IL13RA1: variants seen among roughly 807,000 people sequenced by gnomAD.
The protein encoded by IL13RA1 is interleukin 13 receptor subunit alpha 1.
IL13RA1 carries 14 observed loss-of-function variants against 33.8 expected under a neutral mutation model. The ratio of observed to expected loss-of-function variants is 0.41; its 90% CI spans 0.27 to 0.65. The LOEUF (loss-of-function observed/expected upper bound fraction) is 0.65, where lower values mean the gene tolerates loss of function less well. Ranked by LOEUF, IL13RA1 falls within the 30% of genes least tolerant of loss-of-function variation. The probability of loss-of-function intolerance (pLI) is 0.28; values close to 1 mark genes in which losing one functional copy is unlikely to be tolerated. For synonymous variants in IL13RA1, 116 were observed against 115.7 expected, an observed-to-expected ratio of 1.00 and a Z score of -0.02; for missense variants, 313 against 327.0, an observed-to-expected ratio of 0.96 and a Z score of 0.33.
In IL13RA1 at chrX:118,741,648, G is replaced by A. The variant is rs773432389; in HGVS notation, c.228+492G>A. Among the ~76,000 whole-genome samples the A allele has an allele frequency of 6.8e-4, 76 of 111,852 alleles. 1 individual carries two copies. Among genetic ancestry groups the A allele is most frequent in the South Asian group, 1.8e-3 (5 of 2,745 alleles). On this transcript the variant is annotated intron_variant, in intron 2 of 10. Transcript: ENST00000371666. ...TTGAGTAGAGGGTTCTGTAATGCCCGCGGAAAAAGGAGGAAGACTTTCAAG... is the reference window on the plus strand; with the variant it reads ...TTGAGTAGAGGGTTCTGTAATGCCCACGGAAAAAGGAGGAAGACTTTCAAG...
At chrX:118,771,060 T>C (rs1356018074) in intron 8 of IL13RA1, among the ~76,000 whole-genome samples, 1 of 111,985 alleles carries the variant, frequency 8.9e-6, no homozygotes, top group Middle Eastern at 4.2e-3. Flanking sequence ...GAGGGTTGAC[T>C]GCAGAGTGAA....
chrX:118,797,246 G>A (rs770856729), downstream of IL13RA1, among the ~76,000 whole-genome samples: 5 of 112,167 alleles, frequency 4.5e-5, no homozygotes, highest in East Asian at 5.6e-4. Context: ...TCCAATAAAG[G>A]TTAAGATGAT....
At position 118,738,944 on chromosome X, in the gene IL13RA1, T is replaced by G. The variant is rs780326222; in HGVS notation, c.89-2073T>G. Among the ~76,000 whole-genome samples, 53 of 109,852 alleles carry G rather than the reference T, an allele frequency of 4.8e-4. 1 individual carries two copies. The highest frequency in any genetic ancestry group is 1.8e-3 in the African/African-American group (53 of 30,185). The stretch of plus-strand genomic sequence containing the variant: ...CTGGTATTACAGTTGTACACCACCA[T>G]GCCTGGCTAATTTTTGTATTTTTAG... On this transcript the variant is annotated intron_variant, in intron 1 of 10. Coordinates refer to ENST00000371666, the MANE Select transcript of IL13RA1 (RefSeq NM_001560.3).
chrX:118,773,824 T>C (rs2147392453), intron 8 of IL13RA1, 55 bp from the exon 9 acceptor site: 1 of 619,480 alleles, frequency 1.6e-6, no homozygotes. Context: ...CTGCTTGGTT[T>C]ATTACTAAAA....
chrX:118,737,009 G>T (rs976062608), intron 1 of IL13RA1, among the ~76,000 whole-genome samples: 1 of 112,684 alleles, frequency 8.9e-6, no homozygotes, highest in African/African-American at 3.2e-5. Context: ...AGGGAAGAGC[G>T]CCATTCTTTT....
chrX:118,739,672 A>G (rs976507682), intron 1 of IL13RA1, among the ~76,000 whole-genome samples: 10 of 111,225 alleles, frequency 9.0e-5, no homozygotes, highest in Admixed American at 2.9e-4. Context: ...GATGATTTTG[A>G]TAGTCTCAGG....
intron 7 of IL13RA1, 128 bp downstream of exon 7, chrX:118,766,705 G>A (rs778289333): frequency 1.5e-5 from 9 of 602,127 alleles, no homozygotes; most frequent in African/African-American, 1.1e-4. Context: ...CAATTTTTTC[G>A]AAAAGTCAAA....
At chrX:118,804,943 T>C in the IL13RA1 span, among the ~76,000 whole-genome samples, 2 of 111,985 alleles carry the variant, frequency 1.8e-5, no homozygotes, top group Non-Finnish European at 3.8e-5. Context: ...AAACAAACCA[T>C]CAGGCCTCCC....
At chrX:118,738,561 T>G (rs2017307998) in intron 1 of IL13RA1, among the ~76,000 whole-genome samples, 1 of 111,798 alleles carries the variant, frequency 8.9e-6, no homozygotes, top group South Asian at 3.7e-4. Flanking sequence ...TTTCATTCTT[T>G]TTATGGCTGC....
chrX:118,752,600 T>C (rs1057415814), intron 4 of IL13RA1, among the ~76,000 whole-genome samples: 2 of 111,818 alleles, frequency 1.8e-5, no homozygotes, highest in African/African-American at 6.5e-5. Context: ...ACCCAGCACA[T>C]TGTGTTGTCA....
intron 2 of IL13RA1, among the ~76,000 whole-genome samples, chrX:118,743,891 A>G (rs1458993732): frequency 8.9e-6 from 1 of 112,070 alleles, no homozygotes; most frequent in Admixed American, 9.5e-5. Flanking sequence ...CATGCCTGTA[A>G]TCCCAGCACT....
At chrX:118,778,352 A>G (rs983240372) in intron 10 of IL13RA1, among the ~76,000 whole-genome samples, 2 of 111,467 alleles carry the variant, frequency 1.8e-5, no homozygotes. Context: ...GACAGTAGAT[A>G]ACTCTGCCAG....
At chrX:118,795,177 A>G (rs1301288682), downstream of IL13RA1, among the ~76,000 whole-genome samples, 1 of 100,198 alleles carries the variant, frequency 1.0e-5, no homozygotes, top group Non-Finnish European at 2.0e-5. Context: ...ATGCCACTGC[A>G]CTCCAGCCTG....
At chrX:118,762,083 A>C (rs2017596670) in intron 6 of IL13RA1, among the ~76,000 whole-genome samples, 1 of 112,590 alleles carries the variant, frequency 8.9e-6, no homozygotes, top group South Asian at 3.6e-4. Flanking sequence ...CCTGTATGCT[A>C]TTCAGAATCA....
chrX:118,803,314 A>G, the IL13RA1 span, among the ~76,000 whole-genome samples: 1 of 112,323 alleles, frequency 8.9e-6, no homozygotes, highest in Non-Finnish European at 1.9e-5. Flanking sequence ...GTGAATGGTC[A>G]TATACCCATC....
At chrX:118,786,983 A>G (rs769028575) in intron 10 of IL13RA1, among the ~76,000 whole-genome samples, 70 of 112,154 alleles carry the variant, frequency 6.2e-4, no homozygotes, top group Non-Finnish European at 6.2e-4. Flanking sequence ...GTCCGTTTAT[A>G]TACTCTTCCA....
chrX:118,803,962 CTTT>C, the IL13RA1 span, among the ~76,000 whole-genome samples: 1 of 62,154 alleles, frequency 1.6e-5, no homozygotes, highest in Non-Finnish European at 3.2e-5. Context: ...TTCTTTCTTT[CTTT>C]TTTTTTTTTT....
rs111408227 is a variant in IL13RA1 at position 118,759,874 on chromosome X, G to A, written c.677-1264G>A. On this transcript the variant is annotated intron_variant, in intron 5 of 10. Transcript: ENST00000371666. ...TGCAGCCTTGACCTCCCGGGCTCAA[G>A]CTATCCTCCCATCTCAGCCTCCCTA... Among the ~76,000 whole-genome samples, 571 of 111,382 alleles carry A rather than the reference G, an allele frequency of 5.1e-3. 3 individuals are homozygous for A. The highest frequency in any genetic ancestry group is 0.018 in the African/African-American group (538 of 30,628).
downstream of IL13RA1, among the ~76,000 whole-genome samples, chrX:118,798,105 T>C (rs2018041374): frequency 1.8e-5 from 2 of 111,925 alleles, no homozygotes; most frequent in African/African-American, 6.5e-5. Flanking sequence ...GATTTAGAAA[T>C]GATCTTTCTT....
Sources: allele counts gnomAD v4.1 joint callset (sites outside exome capture counted in the v4.1 genomes callset), GRCh38; gene constraint gnomAD v4.1.1; transcripts MANE v1.5; gene names NCBI Gene and HGNC (gene_info 2026-07-23, HGNC 2026-07-21).